The following PCDH15 variants were observed in gnomAD, a reference collection of about 807,000 sequenced individuals.
The protein encoded by PCDH15 is protocadherin related 15.
In PCDH15, 129 loss-of-function variants were observed where a neutral mutation model predicts 178.5. The ratio of observed to expected loss-of-function variants is 0.72; its 90% CI spans 0.63 to 0.84. The LOEUF is 0.84. PCDH15 is among the 40% of genes least tolerant of loss of function. The probability of loss-of-function intolerance (pLI) is 0.00; values close to 1 mark genes in which losing one functional copy is unlikely to be tolerated. For missense variants in PCDH15, 2,230 were observed against 2,099.9 expected, an observed-to-expected ratio of 1.06 and a Z score of -1.21; for synonymous variants, 800 against 732.0, an observed-to-expected ratio of 1.09 and a Z score of -1.50.
intron 2 of PCDH15, among the ~76,000 whole-genome samples, chr10:54,567,684 C>G (rs550383181): frequency 1.3e-5 from 2 of 152,242 alleles, no homozygotes; most frequent in East Asian, 1.9e-4. Flanking sequence ...TGCTGTCTTA[C>G]TATCTACAGA....
intron 2 of PCDH15, among the ~76,000 whole-genome samples, chr10:54,976,767 T>C (rs1839082605): frequency 6.6e-6 from 1 of 152,202 alleles, no homozygotes; most frequent in Non-Finnish European, 1.5e-5. Context: ...ATTCCTTGCA[T>C]AATTCTAATT....
At chr10:55,555,305 G>C (rs7092078) in intron 2 of PCDH15, among the ~76,000 whole-genome samples, 3,260 of 152,066 alleles carry the variant, frequency 0.021, 120 homozygotes, top group African/African-American at 0.074. Context: ...ATTTTCCCTT[G>C]TTCAAAAGCT....
chr10:54,145,885 C>T (rs2043858147), intron 14 of PCDH15, among the ~76,000 whole-genome samples: 1 of 152,014 alleles, frequency 6.6e-6, no homozygotes, highest in African/African-American at 2.4e-5. Context: ...TTCTTTAACA[C>T]ACTACTTTGT....
upstream of PCDH15, among the ~76,000 whole-genome samples, chr10:54,803,499 T>C (rs1015479092): frequency 3.4e-4 from 51 of 152,176 alleles, no homozygotes; most frequent in African/African-American, 1.2e-3. Flanking sequence ...CTTTGTGCTC[T>C]GGCTTAGGGG....
intron 13 of PCDH15, 134 bp downstream of exon 13, chr10:54,183,310 A>T: frequency 1.1e-6 from 1 of 905,986 alleles, no homozygotes; most frequent in East Asian, 2.5e-5. Flanking sequence ...ATTTAAAGCT[A>T]TTTAAACTAA....
chr10:54,104,842 CAACAAAAAAAA>C (rs2094881217), intron 15 of PCDH15, among the ~76,000 whole-genome samples: 3 of 77,160 alleles, frequency 3.9e-5, no homozygotes, highest in Admixed American at 1.6e-4. Flanking sequence ...GCCTCAACAA[CAACAAAAAAAA>C]AAAAAAAAAA....
At chr10:55,173,064 T>A (rs1839382187) in intron 1 of PCDH15, among the ~76,000 whole-genome samples, 2 of 152,002 alleles carry the variant, frequency 1.3e-5, no homozygotes. Flanking sequence ...AATGGCCATA[T>A]AACTGTATTT....
chr10:55,596,757 T>C (rs930178311), intron 2 of PCDH15, among the ~76,000 whole-genome samples: 18 of 152,200 alleles, frequency 1.2e-4, no homozygotes, highest in African/African-American at 4.3e-4. Flanking sequence ...CATTATGCCA[T>C]GTTATATCTG....
At chr10:54,277,671 G>A (rs1564846081) in intron 8 of PCDH15, among the ~76,000 whole-genome samples, 5 of 151,706 alleles carry the variant, frequency 3.3e-5, no homozygotes, top group South Asian at 2.1e-4. Context: ...AGAGGGAGAC[G>A]TTGTGAAATA....
chr10:55,442,110 C>T (rs557589800), intron 2 of PCDH15, among the ~76,000 whole-genome samples: 3 of 152,084 alleles, frequency 2.0e-5, no homozygotes, highest in African/African-American at 4.8e-5. Flanking sequence ...TATTAAATTA[C>T]CAAGTTTGTA....
chr10:54,718,252 GAAGTAT>G (rs2095504895), intron 1 of PCDH15, among the ~76,000 whole-genome samples: 1 of 149,020 alleles, frequency 6.7e-6, no homozygotes, highest in African/African-American at 2.5e-5. Context: ...CCTAAAACTT[GAAGTAT>G]AATAATAATA....
rs374714898 is a variant in PCDH15 at position 53,827,444 on chromosome 10, G to A, written c.4316C>T (p.Pro1439Leu). 45 of 1,613,130 alleles carry A rather than the reference G, an allele frequency of 2.8e-5. No individual in the cohort carries two copies. The highest frequency in any genetic ancestry group is 1.6e-4 in the Middle Eastern group (1 of 6,080). ...GAGATGCGCACCTGGCGGAGGCGGC[G>A]GCGGCGGCGGGGGCGCTGCCACTGG... Reference protein sequence around the residue: ...PAPVAAPPPPPPPPPGAHLYE... With the variant: ...PAPVAAPPPPLPPPPGAHLYE... The change falls in exon 32 of 38, where the codon CCG becomes CTG. Residue 1439 changes from proline (P) to leucine (L), a missense_variant. Transcript: ENST00000644397.
At chr10:54,009,148 G>A (rs777182727) in intron 20 of PCDH15, among the ~76,000 whole-genome samples, 94 of 151,946 alleles carry the variant, frequency 6.2e-4, no homozygotes, top group Admixed American at 4.5e-3. Flanking sequence ...AGAAAAATCA[G>A]GTTACCCCAG....
In PCDH15 at chr10:53,892,823, C is replaced by G. The variant is rs1412985944; in HGVS notation, c.3501+10420G>C. Among the ~76,000 whole-genome samples the G allele has an allele frequency of 3.3e-5, 5 of 152,156 alleles. No homozygotes were observed. In the East Asian group the frequency reaches 9.7e-4, roughly 29 times the overall value. On this transcript the variant is annotated intron_variant, in intron 26 of 37. Coordinates refer to ENST00000644397, the MANE Select transcript of PCDH15 (RefSeq NM_001384140.1). ...TTGTACAACATGGTGACTATAGTAACAGCGATATATTCTTTAAAAATAAAA... is the reference window on the plus strand; with the variant it reads ...TTGTACAACATGGTGACTATAGTAAGAGCGATATATTCTTTAAAAATAAAA...
chr10:55,539,706 TAG>T (rs1841713579), intron 2 of PCDH15, among the ~76,000 whole-genome samples: 2 of 152,120 alleles, frequency 1.3e-5, no homozygotes, highest in African/African-American at 4.8e-5. Flanking sequence ...TTAAGCTATT[TAG>T]AGTTTTCACA....
chr10:54,829,405 T>C (rs1483653408), intron 3 of PCDH15, among the ~76,000 whole-genome samples: 1 of 152,050 alleles, frequency 6.6e-6, no homozygotes, highest in Non-Finnish European at 1.5e-5. Context: ...TATTTTATGA[T>C]TGCATCATTG....
chr10:54,122,240 T>G (rs1456594703), intron 15 of PCDH15, among the ~76,000 whole-genome samples: 1 of 151,940 alleles, frequency 6.6e-6, no homozygotes, highest in Non-Finnish European at 1.5e-5. Context: ...TGTGATCCGA[T>G]CACATGAACA....
intron 2 of PCDH15, among the ~76,000 whole-genome samples, chr10:55,468,755 A>G (rs1839893401): frequency 6.6e-6 from 1 of 152,164 alleles, no homozygotes; most frequent in Non-Finnish European, 1.5e-5. Flanking sequence ...ATTCAAGCCA[A>G]TTAATGTACT....
At chr10:54,778,496 T>G (rs1949944795) in intron 1 of PCDH15, among the ~76,000 whole-genome samples, 1 of 152,168 alleles carries the variant, frequency 6.6e-6, no homozygotes, top group East Asian at 1.9e-4. Flanking sequence ...ACAAAGTCTG[T>G]AGACAATGTT....
Sources: gnomAD v4.1 joint callset for allele counts (sites outside exome capture counted in the v4.1 genomes callset) on GRCh38, gnomAD v4.1.1 for gene constraint, MANE v1.5 for transcripts, NCBI Gene and HGNC (gene_info 2026-07-23, HGNC 2026-07-21) for gene names.